Variants in VPS26A observed in about 807,000 individuals in gnomAD.
The protein encoded by VPS26A is vacuolar protein sorting-associated protein 26A.
In VPS26A, 22 loss-of-function variants were observed where a neutral mutation model predicts 42.4. The observed-to-expected ratio is 0.52, with a 90% CI of 0.37 to 0.74. The LOEUF is 0.74. Among genes scored for constraint, VPS26A ranks in the 30% least tolerant of loss-of-function variants. The probability of loss-of-function intolerance (pLI) is 0.00; values close to 1 mark genes in which losing one functional copy is unlikely to be tolerated. For missense variants in VPS26A, 276 were observed against 379.2 expected (o/e 0.73, Z 2.26); for synonymous variants, 110 against 123.5 (o/e 0.89, Z 0.73).
chr10:69,132,208 T>C (rs1382275040), intron 1 of VPS26A, among the ~76,000 whole-genome samples: 1 of 152,178 alleles, frequency 6.6e-6, no homozygotes, highest in Non-Finnish European at 1.5e-5. Flanking sequence ...TAAATAAAAG[T>C]ATAAATAAAG....
intron 1 of VPS26A, among the ~76,000 whole-genome samples, chr10:69,124,586 G>A (rs890438581): frequency 2.0e-5 from 3 of 152,174 alleles, no homozygotes; most frequent in Admixed American, 6.5e-5. Context: ...CCTCTGCGGG[G>A]GCTGGTCGCC....
At chr10:69,137,362 T>TA (rs1264482233) in intron 2 of VPS26A, among the ~76,000 whole-genome samples, 3 of 152,198 alleles carry the variant, frequency 2.0e-5, no homozygotes, top group Non-Finnish European at 4.4e-5. Flanking sequence ...CTTACCAGGT[T>TA]AAAATCAATC....
intron 6 of VPS26A, among the ~76,000 whole-genome samples, chr10:69,164,096 C>T (rs1349710103): frequency 1.3e-5 from 2 of 152,114 alleles, no homozygotes; most frequent in Non-Finnish European, 1.5e-5. Flanking sequence ...TGAGGATGAA[C>T]ATCTCTTCAT....
chr10:69,160,636 G>A (rs1323975026), intron 5 of VPS26A, among the ~76,000 whole-genome samples: 2 of 151,884 alleles, frequency 1.3e-5, no homozygotes, highest in Non-Finnish European at 2.9e-5. Flanking sequence ...AGTTTTAGTA[G>A]AGATGGGGTT....
In VPS26A at chr10:69,173,780, A is replaced by G. The variant is rs887744998; in HGVS notation, c.*2511A>G. Reference sequence around the variant, plus strand: ...TTTGGGAGGCTGAGGCGGGCAGATCACCTGAGTTCCAGGAGTTCGAGACCA... The same window carrying G: ...TTTGGGAGGCTGAGGCGGGCAGATCGCCTGAGTTCCAGGAGTTCGAGACCA... On this transcript the variant is annotated 3_prime_UTR_variant, in exon 9 of 9. Coordinates refer to ENST00000263559, the MANE Select transcript of VPS26A (RefSeq NM_004896.5). 6.6e-6 allele frequency among the ~76,000 whole-genome samples: 1 copy of G among 151,930 alleles called. No individual in the cohort carries two copies. The highest frequency in any genetic ancestry group is 2.4e-5 in the African/African-American group (1 of 41,354).
intron 1 of VPS26A, among the ~76,000 whole-genome samples, chr10:69,132,431 G>GTTTTTT (rs3086557): frequency 4.2e-5 from 6 of 141,262 alleles, no homozygotes; most frequent in Non-Finnish European, 4.5e-5. Context: ...TTTTGATGTA[G>GTTTTTT]TTTTTTTTTT....
At chr10:69,131,415 C>T (rs1321698281) in intron 1 of VPS26A, among the ~76,000 whole-genome samples, 1 of 152,030 alleles carries the variant, frequency 6.6e-6, no homozygotes, top group African/African-American at 2.4e-5. Context: ...GAGTGAGACC[C>T]TGTCTCTACA....
At chr10:69,153,780 G>A (rs988517801) in intron 2 of VPS26A, among the ~76,000 whole-genome samples, 1 of 152,076 alleles carries the variant, frequency 6.6e-6, no homozygotes, top group African/African-American at 2.4e-5. Context: ...AGACCAGCCT[G>A]GGCAATATAT....
intron 2 of VPS26A, among the ~76,000 whole-genome samples, chr10:69,140,949 A>G (rs1375201736): frequency 2.0e-5 from 3 of 152,304 alleles, no homozygotes; most frequent in Non-Finnish European, 2.9e-5. Flanking sequence ...TTTTGTGGCT[A>G]TTAACCTGGT....
intron 1 of VPS26A, among the ~76,000 whole-genome samples, chr10:69,128,996 C>CAAA (rs60820610): frequency 1.3e-4 from 9 of 68,396 alleles, no homozygotes; most frequent in African/African-American, 4.9e-4. Flanking sequence ...GACTCTGTCT[C>CAAA]AAAAAAAAAA....
chr10:69,151,272 A>AAAAAAAAACAAACAAAC (rs1841303783), intron 2 of VPS26A, among the ~76,000 whole-genome samples: 1 of 81,556 alleles, frequency 1.2e-5, no homozygotes, highest in South Asian at 4.3e-4. Context: ...GTCAAAAAAA[A>AAAAAAAAACAAACAAAC]AAAAAAAAAA....
At chr10:69,154,396 C>T (rs1240731167) in intron 2 of VPS26A, among the ~76,000 whole-genome samples, 3 of 152,020 alleles carry the variant, frequency 2.0e-5, no homozygotes, top group Non-Finnish European at 2.9e-5. Flanking sequence ...ATTAGCTGGG[C>T]GTGGTGGCAC....
chr10:69,134,174 T>G (rs1379023060), intron 2 of VPS26A, among the ~76,000 whole-genome samples: 1 of 152,246 alleles, frequency 6.6e-6, no homozygotes, highest in Non-Finnish European at 1.5e-5. Context: ...TTTGGAAATA[T>G]ATATAATCTC....
At chr10:69,127,093 ATTTT>A (rs71035057) in intron 1 of VPS26A, among the ~76,000 whole-genome samples, 22 of 97,534 alleles carry the variant, frequency 2.3e-4, no homozygotes, top group South Asian at 4.0e-4. Flanking sequence ...CACCCGGCCA[ATTTT>A]TTTTTTTTTT....
chr10:69,136,848 A>T (rs1840923021), intron 2 of VPS26A, among the ~76,000 whole-genome samples: 1 of 151,468 alleles, frequency 6.6e-6, no homozygotes, highest in Non-Finnish European at 1.5e-5. Context: ...CTGGAGTGCG[A>T]TGGCGTGATC....
At chr10:69,149,822 C>G (rs563135573) in intron 2 of VPS26A, among the ~76,000 whole-genome samples, 130 of 141,494 alleles carry the variant, frequency 9.2e-4, no homozygotes, top group Non-Finnish European at 9.0e-4. Context: ...TCTCAGCTCA[C>G]TGCAGCCTCT....
In VPS26A at chr10:69,158,103, A is replaced by C; in HGVS notation, c.443A>C (p.Asp148Ala). The C allele has an allele frequency of 2.5e-6, 4 of 1,613,412 alleles. No homozygotes were observed. Among genetic ancestry groups the C allele is most frequent in the Non-Finnish European group, 3.4e-6 (4 of 1,179,734 alleles). ...RRLTDLVKEY[D>A]LIVHQLATYP... ...CTGACAGATTTGGTAAAAGAGTATGATCTTATTGTTCACCAGCTTGCCACC... is the reference window on the plus strand; with the variant it reads ...CTGACAGATTTGGTAAAAGAGTATGCTCTTATTGTTCACCAGCTTGCCACC... The change falls in exon 5 of 9, where the codon GAT (aspartate) becomes GCT (alanine). Residue 148 changes from aspartate to alanine, a missense_variant. By Grantham distance (126) the Asp-to-Ala change is moderately radical (BLOSUM62 -2). Coordinates refer to ENST00000263559, the MANE Select transcript of VPS26A (RefSeq NM_004896.5).
Position 69,171,141 on chromosome 10 carries a change from G to A in VPS26A, c.871-15G>A. 7 of 1,587,498 alleles carry A rather than the reference G, an allele frequency of 4.4e-6. No homozygotes were observed. The highest frequency in any genetic ancestry group is 1.4e-5 in the African/African-American group (1 of 73,976). ...TCAAACATTAATTTGTTAATATCTT[G>A]CATTTGTTTACTAGGAGATAATTTT... On this transcript the variant is annotated splice_polypyrimidine_tract_variant and intron_variant, in intron 8 of 8. Transcript: ENST00000263559.
intron 2 of VPS26A, among the ~76,000 whole-genome samples, chr10:69,143,320 A>G (rs1246758892): frequency 3.3e-5 from 5 of 152,196 alleles, no homozygotes; most frequent in Admixed American, 6.6e-5. Flanking sequence ...AGGAGGTTAG[A>G]CTGCCTCATT....
Sources: gnomAD v4.1 joint callset for allele counts (sites outside exome capture counted in the v4.1 genomes callset) on GRCh38, gnomAD v4.1.1 for gene constraint, MANE v1.5 for transcripts, NCBI Gene and HGNC (gene_info 2026-07-23, HGNC 2026-07-21) for gene names.